The following SCN11A variants were observed in gnomAD, a reference collection of about 807,000 sequenced individuals.
SCN11A encodes sodium voltage-gated channel alpha subunit 11, also known as sodium channel protein type 11 subunit alpha.
Under a neutral mutation model 162.2 loss-of-function variants are expected in SCN11A, and 122 were observed. The ratio of observed to expected loss-of-function variants is 0.75; its 90% confidence interval spans 0.65 to 0.87. The LOEUF (loss-of-function observed/expected upper bound fraction) is 0.87. SCN11A is among the 40% of genes least tolerant of loss of function. The pLI is 0.00. For missense variants in SCN11A, 2,015 were observed against 2,181.6 expected (o/e 0.92, Z 1.52); for synonymous variants, 758 against 751.5 (o/e 1.01, Z -0.14).
At chr3:38,905,407 T>A in intron 14 of SCN11A, 86 bp from the exon 15 acceptor site, 2 of 1,486,966 alleles carry the variant, frequency 1.3e-6, no homozygotes, top group Non-Finnish European at 1.8e-6. Context: ...CAATGCTACA[T>A]GTAATGAAAG....
intron 9 of SCN11A, 89 bp downstream of exon 9, chr3:38,925,326 G>T: frequency 1.2e-6 from 1 of 832,352 alleles, no homozygotes. Context: ...GTTTGTTTTT[G>T]GTTTACATGA....
chr3:38,962,407 G>A (rs1437266255), intron 2 of SCN11A, among the ~76,000 whole-genome samples: 3 of 152,136 alleles, frequency 2.0e-5, no homozygotes, highest in African/African-American at 7.2e-5. Context: ...TGTGAAGAAT[G>A]ATGGTGATAT....
chr3:38,921,174 C>T lies in SCN11A; in HGVS notation c.794G>A (p.Ser265Asn). The change falls in exon 10 of 30, where the codon AGC becomes AAC. Residue 265 changes from serine to asparagine, a missense_variant. Ser to Asn is a conservative substitution (Grantham distance 46, BLOSUM62 1). Coordinates refer to ENST00000302328, the MANE Select transcript of SCN11A (RefSeq NM_001349253.2). ...CTGCTGACCTACCAGGGCAAAGATG[C>T]TGAGGCAAAAGAAGGTGAGGATAAT... ...NVIILTFFCL[S>N]IFALVGQQLF... 1 of 1,614,090 alleles carries T rather than the reference C, an allele frequency of 6.2e-7. No homozygotes were observed. The highest frequency in any genetic ancestry group is 8.5e-7 in the Non-Finnish European group (1 of 1,179,948).
intron 2 of SCN11A, among the ~76,000 whole-genome samples, chr3:38,972,160 C>A (rs751560807): frequency 6.6e-6 from 1 of 152,142 alleles, no homozygotes; most frequent in Non-Finnish European, 1.5e-5. Context: ...TTGGAGGGAA[C>A]AAAATCCTGC....
intron 1 of SCN11A, among the ~76,000 whole-genome samples, chr3:39,032,876 GCA>G (rs1223755371): frequency 6.6e-6 from 1 of 152,174 alleles, no homozygotes; most frequent in Non-Finnish European, 1.5e-5. Context: ...AACTGGCCAG[GCA>G]CAGTGGCTCA....
chr3:38,983,603 C>T (rs1312751560), intron 2 of SCN11A, among the ~76,000 whole-genome samples: 1 of 152,176 alleles, frequency 6.6e-6, no homozygotes, highest in African/African-American at 2.4e-5. Context: ...ACCTCTGCGT[C>T]TCAGTTTCCT....
At chr3:38,949,375 A>G (rs1408509687) in intron 5 of SCN11A, among the ~76,000 whole-genome samples, 2 of 152,232 alleles carry the variant, frequency 1.3e-5, no homozygotes, top group Non-Finnish European at 2.9e-5. Context: ...ATTTCCCTGC[A>G]AGAACTGCAT....
At chr3:38,925,752 G>C (rs2066130391) in intron 8 of SCN11A, among the ~76,000 whole-genome samples, 1 of 152,226 alleles carries the variant, frequency 6.6e-6, no homozygotes, top group African/African-American at 2.4e-5. Flanking sequence ...AAGACTCCTT[G>C]AAATAGTTCA....
chr3:38,862,874 C>G (rs1305021641), intron 28 of SCN11A, among the ~76,000 whole-genome samples: 2 of 152,030 alleles, frequency 1.3e-5, no homozygotes, highest in Admixed American at 6.6e-5. Context: ...ACCACCTGTT[C>G]CCCAAAAACT....
At chr3:39,018,265 A>G (rs2031348173) in intron 2 of SCN11A, among the ~76,000 whole-genome samples, 1 of 152,174 alleles carries the variant, frequency 6.6e-6, no homozygotes. Context: ...CAAATACTAG[A>G]AAAGAACTCT....
chr3:38,920,049 A>C (rs1392293980), intron 10 of SCN11A, 48 bp from the exon 11 acceptor site: 2 of 1,354,054 alleles, frequency 1.5e-6, no homozygotes, highest in African/African-American at 1.4e-5. Flanking sequence ...AAAACATTGA[A>C]AGGAAAGAGA....
At chr3:38,884,471 T>C (rs2065361799) in intron 21 of SCN11A, among the ~76,000 whole-genome samples, 1 of 152,246 alleles carries the variant, frequency 6.6e-6, no homozygotes, top group Admixed American at 6.5e-5. Context: ...TAGATAATTT[T>C]TTTAGATTCA....
intron 2 of SCN11A, among the ~76,000 whole-genome samples, chr3:38,996,567 A>G (rs1309938929): frequency 6.6e-6 from 1 of 152,180 alleles, no homozygotes; most frequent in Non-Finnish European, 1.5e-5. Flanking sequence ...GAATAAATCA[A>G]CATCAGCCTT....
At chr3:38,882,670 C>T (rs2065328949) in intron 22 of SCN11A, among the ~76,000 whole-genome samples, 1 of 152,086 alleles carries the variant, frequency 6.6e-6, no homozygotes, top group African/African-American at 2.4e-5. Flanking sequence ...GCTATAGAAG[C>T]TGATGGGTTC....
At chr3:38,963,395 T>TAG (rs2066757740) in intron 2 of SCN11A, among the ~76,000 whole-genome samples, 1 of 54,546 alleles carries the variant, frequency 1.8e-5, no homozygotes, top group Non-Finnish European at 3.4e-5. Flanking sequence ...ATGATGGAGA[T>TAG]ATATATATAT....
intron 2 of SCN11A, among the ~76,000 whole-genome samples, chr3:39,020,262 T>C (rs2031413590): frequency 6.6e-6 from 1 of 152,224 alleles, no homozygotes; most frequent in African/African-American, 2.4e-5. Flanking sequence ...TGGTCAAATT[T>C]TGATACTCAC....
chr3:38,990,267 C>G (rs1380837858), intron 2 of SCN11A, among the ~76,000 whole-genome samples: 1 of 152,128 alleles, frequency 6.6e-6, no homozygotes, highest in Non-Finnish European at 1.5e-5. Flanking sequence ...AACTGCTGGG[C>G]CCCGGGCTCC....
rs2066589119 is a variant in SCN11A, at chr3:38,950,184, C to T, written c.179G>A (p.Arg60Lys). 1 of 1,613,394 alleles carries T rather than the reference C, an allele frequency of 6.2e-7. No homozygotes were observed. Among genetic ancestry groups the T allele is most frequent in the Admixed American group, 1.7e-5 (1 of 59,890 alleles). Residue 60 changes from arginine to lysine, a missense_variant, in exon 5 of 30, where the codon AGG (arginine) becomes AAG (lysine). By Grantham distance (26) the Arg-to-Lys change is conservative (BLOSUM62 2). Transcript: ENST00000302328. Reference sequence around the variant, plus strand: ...GTCGCCATAGAGCTTGGGCAACTTCCTGGAGGCCTTTAGGTCAAGCTGAGG... The same window carrying T: ...GTCGCCATAGAGCTTGGGCAACTTCTTGGAGGCCTTTAGGTCAAGCTGAGG... ...PRPQLDLKAS[R>K]KLPKLYGDIP...
At chr3:38,877,830 ATAC>A in intron 23 of SCN11A, among the ~76,000 whole-genome samples, 1 of 150,002 alleles carries the variant, frequency 6.7e-6, no homozygotes, top group Non-Finnish European at 1.5e-5. Flanking sequence ...ACACCATGGA[ATAC>A]TACTCAGCCA....
Sources: gnomAD v4.1 joint callset for allele counts (sites outside exome capture counted in the v4.1 genomes callset) on GRCh38, gnomAD v4.1.1 for gene constraint, MANE v1.5 for transcripts, NCBI Gene and HGNC (gene_info 2026-07-23, HGNC 2026-07-21) for gene names.